The following MYH7 variants were observed in gnomAD, a reference collection of about 807,000 sequenced individuals.
MYH7 encodes the protein myosin heavy chain 7, also known as myosin-7.
Under a neutral mutation model 225.4 loss-of-function variants are expected in MYH7, and 129 were observed. That is an observed-to-expected ratio of 0.57 (90% CI 0.50 to 0.66). The LOEUF is 0.66. Ranked by LOEUF, MYH7 falls within the 30% of genes least tolerant of loss-of-function variation. MYH7 has a pLI of 0.00. For synonymous variants in MYH7, 971 were observed against 1,007.6 expected, an observed-to-expected ratio of 0.96 and a Z score of 0.69; for missense variants, 1,649 against 2,517.0, an observed-to-expected ratio of 0.66 and a Z score of 7.38.
intron 30 of MYH7, 140 bp from the exon 31 acceptor site, chr14:23,417,826 G>A: frequency 8.3e-7 from 1 of 1,208,464 alleles, no homozygotes; most frequent in African/African-American, 1.5e-5. Flanking sequence ...GGTCCCAGGG[G>A]CCGAGAACAT....
rs979509908 is a variant in MYH7, at chr14:23,416,058, G to T, written c.4899C>A (p.Asn1633Lys). The T allele has an allele frequency of 1.9e-6, 3 of 1,614,094 alleles. No individual in the cohort carries two copies. Among genetic ancestry groups the T allele is most frequent in the African/African-American group, 1.3e-5 (1 of 74,932 alleles). The change falls in exon 34 of 40, where the codon AAC becomes AAA. Residue 1633 changes from asparagine to lysine, a missense_variant. Coordinates refer to ENST00000355349, the MANE Select transcript of MYH7 (RefSeq NM_000257.4). ...NEMEIQLSHA[N>K]RMAAEAQKQV... Reference sequence around the variant, plus strand: ...GCTTCTGGGCCTCGGCGGCCATGCGGTTGGCGTGGCTGAGCTGGATCTCCA... The same window carrying T: ...GCTTCTGGGCCTCGGCGGCCATGCGTTTGGCGTGGCTGAGCTGGATCTCCA...
At chr14:23,416,846 C>A (rs200498585) in intron 33 of MYH7, 22 bp downstream of exon 33, 5 of 1,613,984 alleles carry the variant, frequency 3.1e-6, no homozygotes. Context: ...CCCTGCACCC[C>A]GTGCCCTGCA....
chr14:23,429,810 T>G lies in MYH7; in HGVS notation c.1103A>C (p.Gln368Pro), dbSNP rs1001944415. The G allele has an allele frequency of 6.2e-7, 1 of 1,613,340 alleles. No individual in the cohort carries two copies. The highest frequency in any genetic ancestry group is 1.3e-5 in the African/African-American group (1 of 74,908). Residue 368 changes from glutamine (Q) to proline (P), a missense_variant, in exon 12 of 40, where the codon CAG becomes CCG. Physicochemically the swap from Gln to Pro is moderately conservative, Grantham distance 76. Coordinates refer to ENST00000355349, the MANE Select transcript of MYH7 (RefSeq NM_000257.4). ...GTCTGGCTCCGCCTGCTCCTCCCGC[T>G]GCTTCAGCTTGAACTTCATGTTTCC... The part of the protein sequence containing the change: ...HFGNMKFKLK[Q>P]REEQAEPDGT...
chr14:23,426,684 C>A, intron 18 of MYH7, 93 bp downstream of exon 18: 1 of 1,214,840 alleles, frequency 8.2e-7, no homozygotes, highest in Non-Finnish European at 1.2e-6. Flanking sequence ...GTTTGGAAAC[C>A]ACTGTGGTGG....
intron 25 of MYH7, 45 bp from the exon 26 acceptor site, chr14:23,421,093 C>T: frequency 1.4e-6 from 2 of 1,439,734 alleles, no homozygotes; most frequent in Non-Finnish European, 2.0e-6. Flanking sequence ...CTCGTGGGGC[C>T]TCAGGAGGGT....
Position 23,424,166 on chromosome 14 carries a change from G to A in MYH7, c.2680-17C>T. ...GTCTTGTTCCTGAAGGTGAGGAACA[G>A]AGGGGAGGCTGTTCAGGGGGTAAGG... On this transcript the variant is annotated splice_polypyrimidine_tract_variant and intron_variant, in intron 22 of 39. Transcript: ENST00000355349. 1 of 1,614,044 alleles carries A rather than the reference G, an allele frequency of 6.2e-7. No individual in the cohort carries two copies. Among genetic ancestry groups the A allele is most frequent in the Non-Finnish European group, 8.5e-7 (1 of 1,180,026 alleles).
chr14:23,426,105 G>A (rs914191870), intron 18 of MYH7, 24 bp from the exon 19 acceptor site: 2 of 1,613,316 alleles, frequency 1.2e-6, no homozygotes, highest in Non-Finnish European at 8.5e-7. Context: ...GAAGTAGGAG[G>A]AGTCTGTGAG....
At chr14:23,422,445 G>T in intron 24 of MYH7, 120 bp from the exon 25 acceptor site, 1 of 1,357,780 alleles carries the variant, frequency 7.4e-7, no homozygotes, top group Non-Finnish European at 1.0e-6. Context: ...ACCTTCCCCA[G>T]AGTGGGCCAA....
In MYH7 at chr14:23,415,965, G is replaced by A. The variant is rs775990796; in HGVS notation, c.4953+39C>T. 31 of 1,613,818 alleles carry A rather than the reference G, an allele frequency of 1.9e-5. No homozygotes were observed. Among genetic ancestry groups the A allele is most frequent in the Non-Finnish European group, 2.5e-5 (29 of 1,179,976 alleles). On this transcript the variant is annotated intron_variant, in intron 34 of 39. Coordinates refer to ENST00000355349, the MANE Select transcript of MYH7 (RefSeq NM_000257.4). The surrounding 1 kb of genome is among the most constrained non-coding windows in gnomAD (Gnocchi z 6.3). Reference sequence around the variant, plus strand: ...GCCTGTATCAAGACACTACTGCTTCGCCAGGCCACGTGGAGGCCAGTCCCC... The same window carrying A: ...GCCTGTATCAAGACACTACTGCTTCACCAGGCCACGTGGAGGCCAGTCCCC...
intron 25 of MYH7, chr14:23,421,784 C>T: frequency 6.1e-6 from 6 of 985,438 alleles, no homozygotes; most frequent in Non-Finnish European, 7.2e-6. Flanking sequence ...AATGTGAGGG[C>T]ATTTCTTGGT....
intron 24 of MYH7, 148 bp downstream of exon 24, chr14:23,423,396 TAAC>T: frequency 9.2e-7 from 1 of 1,083,624 alleles, no homozygotes; most frequent in Non-Finnish European, 1.4e-6. Flanking sequence ...TCAGAAAAGT[TAAC>T]ATCCTCTAAC....
rs990219779 is a variant in MYH7, at chr14:23,433,020, C to T, written c.345+64G>A. On this transcript the variant is annotated intron_variant, in intron 4 of 39. Transcript: ENST00000355349. The surrounding 1 kb of genome is among the most constrained non-coding windows in gnomAD (Gnocchi z 4.1). ...ACACAAACAGAAGACACTCTTGGCTCCTGGGGTGGACATGGATGGAGCAAG... is the reference window on the plus strand; with the variant it reads ...ACACAAACAGAAGACACTCTTGGCTTCTGGGGTGGACATGGATGGAGCAAG... 6.8e-6 allele frequency: 11 copies of T among 1,610,266 alleles called. No individual in the cohort carries two copies. In the Admixed American group the frequency reaches 1.2e-4, roughly 17 times the overall value.
At chr14:23,430,536 C>T (rs1400858011) in intron 11 of MYH7, 24 bp downstream of exon 11, 1 of 1,583,822 alleles carries the variant, frequency 6.3e-7, no homozygotes, top group South Asian at 1.1e-5. Context: ...CTCCCACCCC[C>T]TGGCTGGGTC....
chr14:23,431,137 T>C, intron 9 of MYH7, 138 bp from the exon 10 acceptor site: 1 of 735,206 alleles, frequency 1.4e-6, no homozygotes, highest in Non-Finnish European at 2.4e-6. Context: ...CACAAAGAGA[T>C]CACACAGAGA....
rs1483811980 is a variant in MYH7, at chr14:23,424,873, G to A, written c.2575C>T (p.Leu859Phe). 1.2e-6 allele frequency: 2 copies of A among 1,614,216 alleles called. No individual in the cohort carries two copies. The highest frequency in any genetic ancestry group is 2.7e-5 in the African/African-American group (2 of 75,036). The stretch of plus-strand genomic sequence containing the variant: ...TCGGACTTCTCTAGCGCCTCTTTGA[G>A]GCGTGTGAACTCCTCCTTCATGGAG... ...MASMKEEFTR[L>F]KEALEKSEAR... Residue 859 changes from leucine to phenylalanine, a missense_variant, in exon 22 of 40, where the codon CTC becomes TTC. Around this residue, in one of 12 missense-constraint regions of MYH7, gnomAD observed 282 missense variants for 315.3 expected, o/e 0.89. Transcript: ENST00000355349.
At chr14:23,414,168 C>A in intron 37 of MYH7, 66 bp from the exon 38 acceptor site, 1 of 1,417,198 alleles carries the variant, frequency 7.1e-7, no homozygotes. Context: ...TCCCCTCCGC[C>A]CTGCCCTGCT....
At position 23,434,512 on chromosome 14, in the gene MYH7, G is replaced by C. The variant is rs189510412; in HGVS notation, c.-64-263C>G. On this transcript the variant is annotated intron_variant, in intron 1 of 39. Coordinates refer to ENST00000355349, the MANE Select transcript of MYH7 (RefSeq NM_000257.4). Reference sequence around the variant, plus strand: ...ACTCCTGCGAGATGGTCCCACCCCTGCCTGTACCCATCTAGTGGTACCTTT... The same window carrying C: ...ACTCCTGCGAGATGGTCCCACCCCTCCCTGTACCCATCTAGTGGTACCTTT... Among the ~76,000 whole-genome samples the C allele has an allele frequency of 8.5e-5, 13 of 152,248 alleles. No homozygotes were observed. The East Asian group carries it at 1.3e-3, about 16-fold the overall frequency.
chr14:23,432,672 T>A lies in MYH7; in HGVS notation c.469A>T (p.Ile157Phe). The A allele has an allele frequency of 2.5e-6, 4 of 1,613,928 alleles. No individual in the cohort carries two copies. The highest frequency in any genetic ancestry group is 3.4e-6 in the Non-Finnish European group (4 of 1,179,976). ...RSEAPPHIFS[I>F]SDNAYQYMLT... ...ATGTACTGATAGGCGTTGTCGGAGA[T>A]GGAGAAGATGTGGGGCGGGGCCTCG... Residue 157 changes from isoleucine (I) to phenylalanine (F), a missense_variant, in exon 5 of 40, where the codon ATC becomes TTC. By Grantham distance (21) the Ile-to-Phe change is conservative (BLOSUM62 0). This residue lies in a region of MYH7 where 77 missense variants were observed against 144.0 expected (regional missense o/e 0.53). Coordinates refer to ENST00000355349, the MANE Select transcript of MYH7 (RefSeq NM_000257.4).
At position 23,423,640 on chromosome 14, in the gene MYH7, G is replaced by A. The variant is rs1057522386; in HGVS notation, c.3006C>T (p.Ala1002=). ...LTKEKKALQE[A]HQQALDDLQA... ...GAAGGTCATCCAGAGCCTGTTGGTG[G>A]GCCTCTTGCAGAGCTTTCTTCTCCT... The change falls in exon 24 of 40, where the codon GCC becomes GCT. Residue 1002 remains alanine, a synonymous_variant. Coordinates refer to ENST00000355349, the MANE Select transcript of MYH7 (RefSeq NM_000257.4). 1 of 1,613,998 alleles carries A rather than the reference G, an allele frequency of 6.2e-7. No homozygotes were observed. The highest frequency in any genetic ancestry group is 8.5e-7 in the Non-Finnish European group (1 of 1,180,006).
Sources: gnomAD v4.1 joint callset for allele counts (sites outside exome capture counted in the v4.1 genomes callset) on GRCh38, gnomAD v4.1.1 for gene constraint, gnomAD v4.1.1 regional missense constraint, Gnocchi (gnomAD v3.1) non-coding constraint, MANE v1.5 for transcripts, NCBI Gene and HGNC (gene_info 2026-07-23, HGNC 2026-07-21) for gene names.